Variants in NBEAL1 observed in about 807,000 individuals in gnomAD.
The protein encoded by NBEAL1 is neurobeachin like 1.
Under a neutral mutation model 351.3 loss-of-function variants are expected in NBEAL1, and 273 were observed. That is an observed-to-expected ratio of 0.78 (90% CI 0.70 to 0.86). The LOEUF is 0.86. Among genes scored for constraint, NBEAL1 ranks in the 40% least tolerant of loss-of-function variants. The probability of loss-of-function intolerance (pLI) is 0.00; values close to 1 mark genes in which losing one functional copy is unlikely to be tolerated. For synonymous variants in NBEAL1, 1,050 were observed against 1,086.4 expected (o/e 0.97, Z 0.66); for missense variants, 2,961 against 3,201.3 (o/e 0.92, Z 1.81).
intron 35 of NBEAL1, among the ~76,000 whole-genome samples, chr2:203,155,635 A>G (rs1005358129): frequency 2.0e-5 from 3 of 151,832 alleles, no homozygotes; most frequent in African/African-American, 7.3e-5. Context: ...TTTTGTAGAG[A>G]CAAGGTCGCC....
At chr2:203,111,060 G>A (rs1040818355) in intron 15 of NBEAL1, among the ~76,000 whole-genome samples, 2 of 152,082 alleles carry the variant, frequency 1.3e-5, no homozygotes, top group Non-Finnish European at 2.9e-5. Flanking sequence ...ATGAGATGGG[G>A]TGGGTGCTAT....
chr2:203,031,517 T>A (rs1473396664), intron 2 of NBEAL1, among the ~76,000 whole-genome samples: 1 of 152,224 alleles, frequency 6.6e-6, no homozygotes, highest in African/African-American at 2.4e-5. Flanking sequence ...AATGTCAATA[T>A]GAAGTCTACT....
intron 3 of NBEAL1, among the ~76,000 whole-genome samples, chr2:203,048,492 G>A (rs564692045): frequency 6.6e-6 from 1 of 152,074 alleles, no homozygotes; most frequent in African/African-American, 2.4e-5. Context: ...AGGGAGGGAG[G>A]TATTCTCTGG....
At chr2:203,192,382 A>C (rs2117265) in intron 46 of NBEAL1, among the ~76,000 whole-genome samples, 134,731 of 151,460 alleles carry the variant, frequency 0.89, 60,892 homozygotes, top group Non-Finnish European at 0.96. Context: ...TTATTAAAAG[A>C]TAATTTTTTT....
Position 203,221,895 on chromosome 2 carries a change from A to G in NBEAL1, c.*4541A>G, listed in dbSNP as rs533111455. 6.2e-4 allele frequency among the ~76,000 whole-genome samples: 94 copies of G among 152,264 alleles called. No individual in the cohort carries two copies. The highest frequency in any genetic ancestry group is 2.2e-3 in the African/African-American group (91 of 41,558). On this transcript the variant is annotated 3_prime_UTR_variant, in exon 56 of 56. Coordinates refer to ENST00000683969, the MANE Select transcript of NBEAL1 (RefSeq NM_001378026.1). ...ATGTGGACCACAGCCTGCCTTCTTT[A>G]GTTTAAATCTAGGCCAAGCATGGTG... is the stretch of plus-strand genomic sequence containing the variant.
intron 2 of NBEAL1, among the ~76,000 whole-genome samples, chr2:203,037,726 T>A (rs1330259592): frequency 1.3e-5 from 2 of 148,760 alleles, no homozygotes; most frequent in Admixed American, 6.8e-5. Context: ...CCCAGCACTT[T>A]GGGAGGCCAA....
In NBEAL1 at chr2:203,016,283, C is replaced by T. The variant is rs2060679266; in HGVS notation, c.-102C>T. 1 of 752,256 alleles carries T rather than the reference C, an allele frequency of 1.3e-6. No homozygotes were observed. Among genetic ancestry groups the T allele is most frequent in the African/African-American group, 1.8e-5 (1 of 56,372 alleles). The allele number at this position is 752,256 out of a possible 1,614,324, so 46.6% of individuals were successfully genotyped here. ...TTTTTGCTTTCTTTACTGCTATGAGCTTTACTGAACGGCTGAAAAACTTGG... is the reference window on the plus strand; with the variant it reads ...TTTTTGCTTTCTTTACTGCTATGAGTTTTACTGAACGGCTGAAAAACTTGG... On this transcript the variant is annotated 5_prime_UTR_variant, in exon 2 of 56. Transcript: ENST00000683969.
At chr2:203,143,500 A>T (rs987268701) in intron 31 of NBEAL1, among the ~76,000 whole-genome samples, 1 of 152,218 alleles carries the variant, frequency 6.6e-6, no homozygotes, top group Non-Finnish European at 1.5e-5. Context: ...GGTGAGTTTA[A>T]GCAGGATTCA....
At chr2:203,128,542 C>T (rs1315510924) in intron 24 of NBEAL1, among the ~76,000 whole-genome samples, 1 of 151,194 alleles carries the variant, frequency 6.6e-6, no homozygotes, top group East Asian at 1.9e-4. Context: ...TCATAGTCTG[C>T]GTGGTGTATG....
Position 203,222,720 on chromosome 2 carries a change from A to C in NBEAL1, c.*5366A>C, listed in dbSNP as rs1328419625. Among the ~76,000 whole-genome samples the C allele has an allele frequency of 6.6e-6, 1 of 152,032 alleles. No individual in the cohort carries two copies. Among genetic ancestry groups the C allele is most frequent in the Admixed American group, 6.6e-5 (1 of 15,222 alleles). ...TTAGGCAACATTTTAAAGAAGAAAA[A>C]AACATGACTAACATGCTAAATTTAA... On this transcript the variant is annotated 3_prime_UTR_variant, in exon 56 of 56. Transcript: ENST00000683969.
chr2:203,043,372 A>C lies in NBEAL1; in HGVS notation c.143+1516A>C, dbSNP rs530949876. Among the ~76,000 whole-genome samples the C allele has an allele frequency of 7.2e-5, 11 of 152,228 alleles. No individual in the cohort carries two copies. The South Asian group carries it at 2.3e-3, about 32-fold the overall frequency. ...TATCTTGAAGGCCTAATAGTTGTTC[A>C]GTAAGAGAGATTGGCTGGGGTAAAA... On this transcript the variant is annotated intron_variant, in intron 3 of 55. Coordinates refer to ENST00000683969, the MANE Select transcript of NBEAL1 (RefSeq NM_001378026.1).
chr2:203,062,339 T>C lies in NBEAL1; in HGVS notation c.515+4886T>C, dbSNP rs2061513371. On this transcript the variant is annotated intron_variant, in intron 6 of 55. Coordinates refer to ENST00000683969, the MANE Select transcript of NBEAL1 (RefSeq NM_001378026.1). The surrounding 1 kb of genome is among the most constrained non-coding windows in gnomAD (Gnocchi z 4.2). Reference sequence around the variant, plus strand: ...CTATAAGAGTTTCTTCTGGGAAAAATCCAGCAACGCCCACTCCTGAGGGGT... The same window carrying C: ...CTATAAGAGTTTCTTCTGGGAAAAACCCAGCAACGCCCACTCCTGAGGGGT... 4.1e-6 allele frequency: 2 copies of C among 490,506 alleles called. No homozygotes were observed. Among genetic ancestry groups the C allele is most frequent in the African/African-American group, 2.0e-5 (1 of 51,146 alleles). The allele number at this position is 490,506 out of a possible 1,614,324, so 30.4% of individuals were successfully genotyped here. A position where few individuals can be genotyped will look rare whatever the true frequency, so the allele number is the denominator to read the frequency against.
At chr2:203,099,014 C>T (rs911929838) in intron 11 of NBEAL1, among the ~76,000 whole-genome samples, 5 of 152,116 alleles carry the variant, frequency 3.3e-5, no homozygotes, top group Non-Finnish European at 7.4e-5. Flanking sequence ...GTGGCTCACA[C>T]CTGTAATCCC....
rs949828391 is a variant in NBEAL1, at chr2:203,035,097, G to A, written c.52-6668G>A. ...TAACCCTGTCTCTGAAGAACTAGGG[G>A]AAATTGCATGGATGATTTAATTCCA... On this transcript the variant is annotated intron_variant, in intron 2 of 55. Transcript: ENST00000683969. Among the ~76,000 whole-genome samples, 26 of 149,308 alleles carry A rather than the reference G, an allele frequency of 1.7e-4. 1 individual carries two copies. The highest frequency in any genetic ancestry group is 6.3e-4 in the African/African-American group (26 of 41,176).
intron 35 of NBEAL1, among the ~76,000 whole-genome samples, chr2:203,152,521 C>A (rs1209181730): frequency 6.6e-6 from 1 of 151,066 alleles, no homozygotes; most frequent in African/African-American, 2.4e-5. Context: ...ACCCGGGAGG[C>A]GGAGGTTGCA....
chr2:203,188,269 T>G (rs1158505243), intron 44 of NBEAL1, among the ~76,000 whole-genome samples: 1 of 152,170 alleles, frequency 6.6e-6, no homozygotes, highest in Non-Finnish European at 1.5e-5. Flanking sequence ...TAAATATATC[T>G]ACATTATAGT....
intron 10 of NBEAL1, among the ~76,000 whole-genome samples, chr2:203,090,968 G>A (rs1438648748): frequency 6.6e-6 from 1 of 151,838 alleles, no homozygotes; most frequent in Non-Finnish European, 1.5e-5. Flanking sequence ...AGGAAAGGAA[G>A]AAAGGAAAGG....
At chr2:203,022,957 A>C (rs1393136027) in intron 2 of NBEAL1, among the ~76,000 whole-genome samples, 1 of 152,206 alleles carries the variant, frequency 6.6e-6, no homozygotes, top group Non-Finnish European at 1.5e-5. Context: ...TAAATCTGGA[A>C]TATGACTGAA....
Position 203,222,991 on chromosome 2 carries a change from A to C in NBEAL1, c.*5637A>C, listed in dbSNP as rs1363330519. Among the ~76,000 whole-genome samples, 1 of 152,182 alleles carries C rather than the reference A, an allele frequency of 6.6e-6. No homozygotes were observed. The highest frequency in any genetic ancestry group is 1.5e-5 in the Non-Finnish European group (1 of 68,006). ...GAAATGTAAGGCCATCCTAGAGTAT[A>C]GGAGTTACGTGATTTTCTTCTGTAT... On this transcript the variant is annotated 3_prime_UTR_variant, in exon 56 of 56. Transcript: ENST00000683969.
Sources: gnomAD v4.1 joint callset for allele counts (sites outside exome capture counted in the v4.1 genomes callset) on GRCh38, gnomAD v4.1.1 for gene constraint, Gnocchi (gnomAD v3.1) non-coding constraint, MANE v1.5 for transcripts, NCBI Gene and HGNC (gene_info 2026-07-23, HGNC 2026-07-21) for gene names.